Variants in ABTB3 observed in about 807,000 individuals in gnomAD.
ABTB3 encodes ankyrin repeat and BTB domain containing 3, also known as ankyrin repeat- and BTB/POZ domain-containing protein 3.
chr12:107,332,011 G>A, the ABTB3 span, among the ~76,000 whole-genome samples: 1 of 152,234 alleles, frequency 6.6e-6, no homozygotes, highest in Non-Finnish European at 1.5e-5. Flanking sequence ...GAGTGAGCTG[G>A]CACCTTCACA....
chr12:107,480,712 G>C, the ABTB3 span, among the ~76,000 whole-genome samples: 1 of 152,184 alleles, frequency 6.6e-6, no homozygotes. Flanking sequence ...ATGTGTGTGT[G>C]TGTGTGTTTG....
chr12:107,474,340 C>T, the ABTB3 span, among the ~76,000 whole-genome samples: 5 of 152,154 alleles, frequency 3.3e-5, no homozygotes, highest in Non-Finnish European at 7.3e-5. Flanking sequence ...CACTGTTTCT[C>T]TAATGAGGGT....
At chr12:107,583,644 G>A in the ABTB3 span, among the ~76,000 whole-genome samples, 4 of 152,148 alleles carry the variant, frequency 2.6e-5, no homozygotes, top group Non-Finnish European at 4.4e-5. Context: ...GTCCATCTCT[G>A]CGCCCCCCCT....
the ABTB3 span, among the ~76,000 whole-genome samples, chr12:107,600,628 G>A: frequency 1.3e-5 from 2 of 152,162 alleles, no homozygotes; most frequent in Admixed American, 1.3e-4. Context: ...ACCTTCCAAT[G>A]GTGGGCTTCA....
the ABTB3 span, chr12:107,642,242 G>A: frequency 7.0e-7 from 1 of 1,434,794 alleles, no homozygotes; most frequent in African/African-American, 1.4e-5. Flanking sequence ...CAGATCCTCA[G>A]CCTGAGGATT....
At chr12:107,581,350 G>C in the ABTB3 span, 3 of 1,281,574 alleles carry the variant, frequency 2.3e-6, no homozygotes, top group Non-Finnish European at 2.0e-6. Flanking sequence ...GGAGGGCTCC[G>C]GCCTCGCAGC....
the ABTB3 span, among the ~76,000 whole-genome samples, chr12:107,578,380 C>CTTTTTTT: frequency 1.5e-4 from 7 of 46,594 alleles, no homozygotes; most frequent in African/African-American, 5.6e-4. Context: ...TTTCTTTCTT[C>CTTTTTTT]TTCTTTTTTT....
At chr12:107,573,772 T>A in the ABTB3 span, among the ~76,000 whole-genome samples, 1 of 152,192 alleles carries the variant, frequency 6.6e-6, no homozygotes, top group Non-Finnish European at 1.5e-5. Flanking sequence ...TTCTCTCTTC[T>A]GGGAAAAATC....
At chr12:107,320,313 C>T in the ABTB3 span, among the ~76,000 whole-genome samples, 1 of 152,232 alleles carries the variant, frequency 6.6e-6, no homozygotes, top group African/African-American at 2.4e-5. Context: ...GGTTCCGCCC[C>T]CGGTGCGGGG....
the ABTB3 span, among the ~76,000 whole-genome samples, chr12:107,557,372 A>G: frequency 6.6e-6 from 1 of 152,252 alleles, no homozygotes; most frequent in Non-Finnish European, 1.5e-5. Context: ...ATAAAAATGC[A>G]GTATTATAAT....
the ABTB3 span, among the ~76,000 whole-genome samples, chr12:107,323,837 T>A: frequency 6.6e-6 from 1 of 152,180 alleles, no homozygotes; most frequent in East Asian, 1.9e-4. Flanking sequence ...GCCTGGCACT[T>A]TGTATAACAG....
chr12:107,406,689 A>G, the ABTB3 span, among the ~76,000 whole-genome samples: 7 of 152,234 alleles, frequency 4.6e-5, no homozygotes, highest in African/African-American at 1.7e-4. Context: ...GACAGTGACC[A>G]AAACAGGCAG....
the ABTB3 span, among the ~76,000 whole-genome samples, chr12:107,425,631 C>T: frequency 4.6e-5 from 7 of 152,196 alleles, no homozygotes; most frequent in Non-Finnish European, 5.9e-5. Context: ...CATGGACCTC[C>T]CGGGTGAAAA....
At chr12:107,469,960 CTTTCTTTCTT>C in the ABTB3 span, among the ~76,000 whole-genome samples, 3 of 68,604 alleles carry the variant, frequency 4.4e-5, 1 homozygote, top group African/African-American at 2.8e-4. Flanking sequence ...TTCTTTCTTT[CTTTCTTTCTT>C]TCTTTCTTTC....
chr12:107,612,711 T>G, the ABTB3 span: 1 of 1,393,810 alleles, frequency 7.2e-7, no homozygotes, highest in Non-Finnish European at 9.9e-7. Flanking sequence ...GATTCTCCAT[T>G]TGTTATTGTC....
At chr12:107,327,580 T>G in the ABTB3 span, among the ~76,000 whole-genome samples, 2 of 152,218 alleles carry the variant, frequency 1.3e-5, no homozygotes, top group Non-Finnish European at 2.9e-5. Flanking sequence ...TCTCTTTCTA[T>G]AGAGCATACA....
chr12:107,330,805 A>T, the ABTB3 span, among the ~76,000 whole-genome samples: 2 of 152,230 alleles, frequency 1.3e-5, no homozygotes, highest in Non-Finnish European at 2.9e-5. Flanking sequence ...GTTTTGCTAT[A>T]CATCTCACAG....
chr12:107,319,988 AC>A, the ABTB3 span: 1 of 1,580,534 alleles, frequency 6.3e-7, no homozygotes, highest in Non-Finnish European at 8.6e-7. Context: ...CACCGTGGAG[AC>A]CCTGGAGCAC....
the ABTB3 span, among the ~76,000 whole-genome samples, chr12:107,562,841 A>T: frequency 6.6e-6 from 1 of 152,200 alleles, no homozygotes; most frequent in African/African-American, 2.4e-5. Context: ...CCTGTTCTGG[A>T]ATTAGCACAG....
Sources: gnomAD v4.1 joint callset for allele counts (sites outside exome capture counted in the v4.1 genomes callset) on GRCh38, gnomAD v4.1.1 for gene constraint, MANE v1.5 for transcripts, NCBI Gene and HGNC (gene_info 2026-07-23, HGNC 2026-07-21) for gene names.